ANXA10: variants seen among roughly 807,000 people sequenced by gnomAD.
The protein encoded by ANXA10 is annexin A10.
In ANXA10, 49 loss-of-function variants were observed where a neutral mutation model predicts 53.5. The ratio of observed to expected loss-of-function variants is 0.92; its 90% CI spans 0.73 to 1.16. The LOEUF is 1.16. Among genes scored for constraint, ANXA10 ranks in the 50% most tolerant of loss-of-function variants. ANXA10 has a pLI of 0.00. For missense variants in ANXA10, 393 were observed against 394.4 expected (o/e 1.00, Z 0.03); for synonymous variants, 131 against 128.9 (o/e 1.02, Z -0.11).
At chr4:168,184,506 C>A in intron 10 of ANXA10, 53 bp from the exon 11 acceptor site, 1 of 1,605,236 alleles carries the variant, frequency 6.2e-7, no homozygotes, top group Non-Finnish European at 8.5e-7. Flanking sequence ...TTGGGACAGA[C>A]TGACTTTTAG....
chr4:168,184,593 T>A lies in ANXA10; in HGVS notation c.818T>A (p.Ile273Asn). The change falls in exon 11 of 12, where the codon ATT (isoleucine) becomes AAT (asparagine). Residue 273 changes from isoleucine to asparagine, a missense_variant. Ile to Asn is a moderately radical substitution (Grantham distance 149). Transcript: ENST00000359299. The stretch of plus-strand genomic sequence containing the variant: ...TTCCATAATAAAACTGTAATCAGGA[T>A]TCTCATTGCCAGAAGTGAAATAGAC... ...FGFHNKTVIR[I>N]LIARSEIDLL... 1 of 1,614,060 alleles carries A rather than the reference T, an allele frequency of 6.2e-7. No individual in the cohort carries two copies. The highest frequency in any genetic ancestry group is 8.5e-7 in the Non-Finnish European group (1 of 1,179,916).
intron 2 of ANXA10, among the ~76,000 whole-genome samples, chr4:168,129,131 A>T (rs527961323): frequency 1.3e-5 from 2 of 152,248 alleles, no homozygotes; most frequent in East Asian, 3.9e-4. Flanking sequence ...CTTAACTTTA[A>T]AGACAAGGTC....
intron 3 of ANXA10, among the ~76,000 whole-genome samples, chr4:168,144,251 C>T (rs1414949605): frequency 6.6e-6 from 1 of 152,058 alleles, no homozygotes; most frequent in Non-Finnish European, 1.5e-5. Flanking sequence ...CACTGCCGCG[C>T]TCTCAGCTCA....
At chr4:168,115,685 C>CACAAATT (rs1730882631) in intron 1 of ANXA10, among the ~76,000 whole-genome samples, 1 of 152,048 alleles carries the variant, frequency 6.6e-6, no homozygotes, top group Non-Finnish European at 1.5e-5. Flanking sequence ...TTTTATTTTA[C>CACAAATT]ACAAATTACA....
Position 168,177,983 on chromosome 4 carries a change from G to C in ANXA10, c.628G>C (p.Val210Leu), listed in dbSNP as rs1017547334. The change falls in exon 8 of 12, where the codon GTT (valine) becomes CTT (leucine). Residue 210 changes from valine to leucine, a missense_variant and splice_region_variant. Transcript: ENST00000359299. ...CAAGAGCTACCAGCAGCTGCGGCTG[G>C]GTAATTATTAACTGGGTTTCGTTCC... The part of the protein sequence containing the change: ...CNKSYQQLRL[V>L]FQEFQNISGQ... 1 of 1,612,936 alleles carries C rather than the reference G, an allele frequency of 6.2e-7. No individual in the cohort carries two copies. Among genetic ancestry groups the C allele is most frequent in the South Asian group, 1.1e-5 (1 of 90,990 alleles).
chr4:168,104,334 T>C (rs986912146), intron 1 of ANXA10, among the ~76,000 whole-genome samples: 3 of 151,900 alleles, frequency 2.0e-5, no homozygotes, highest in Non-Finnish European at 4.4e-5. Flanking sequence ...TTTATGTTCA[T>C]AAGGGTTACT....
intron 1 of ANXA10, among the ~76,000 whole-genome samples, chr4:168,111,935 C>T (rs1018537873): frequency 6.6e-6 from 1 of 152,162 alleles, no homozygotes; most frequent in African/African-American, 2.4e-5. Flanking sequence ...TGCTCCTTGA[C>T]ATTTATCTTC....
intron 4 of ANXA10, 26 bp from the exon 5 acceptor site, chr4:168,164,172 A>AT (rs1322693193): frequency 1.3e-5 from 19 of 1,504,400 alleles, no homozygotes; most frequent in Non-Finnish European, 1.7e-5. Flanking sequence ...ATATCCTTAC[A>AT]TTTATCTCTT....
chr4:168,155,687 A>ATATATAATATATTATAAATATATAATAT (rs1731612849), intron 3 of ANXA10, among the ~76,000 whole-genome samples: 2 of 44,164 alleles, frequency 4.5e-5, no homozygotes, highest in African/African-American at 1.1e-4. Flanking sequence ...ATATTATAAA[A>ATATATAATATATTATAAATATATAATAT]TATATAATAT....
At chr4:168,161,767 G>T (rs1560786568) in intron 3 of ANXA10, among the ~76,000 whole-genome samples, 1 of 152,202 alleles carries the variant, frequency 6.6e-6, no homozygotes, top group East Asian at 1.9e-4. Flanking sequence ...TCTCCTTGAA[G>T]AGGTCCTTCA....
chr4:168,124,151 T>C (rs975860908), intron 1 of ANXA10, among the ~76,000 whole-genome samples: 13 of 152,270 alleles, frequency 8.5e-5, no homozygotes, highest in African/African-American at 3.1e-4. Flanking sequence ...CAGGATAAAA[T>C]AGAGGGCACC....
In ANXA10 at chr4:168,170,098, G is replaced by A. The variant is rs187443209; in HGVS notation, c.480+4772G>A. 5.5e-3 allele frequency among the ~76,000 whole-genome samples: 836 copies of A among 152,168 alleles called. 5 individuals are homozygous for A. The highest frequency in any genetic ancestry group is 9.3e-3 in the Non-Finnish European group (632 of 68,000). On this transcript the variant is annotated intron_variant, in intron 6 of 11. Transcript: ENST00000359299. ...ACAATGATGCTTTATTAATGATAGG[G>A]TGTGTACATGAGTACGAGTATTTGT...
At chr4:168,123,291 A>AG (rs1553997579) in intron 1 of ANXA10, among the ~76,000 whole-genome samples, 2 of 151,368 alleles carry the variant, frequency 1.3e-5, no homozygotes, top group African/African-American at 4.9e-5. Flanking sequence ...AACAAAAAAA[A>AG]CCCAGACTTT....
intron 11 of ANXA10, 37 bp downstream of exon 11, chr4:168,184,718 T>A (rs1174290153): frequency 6.2e-7 from 1 of 1,603,568 alleles, no homozygotes. Flanking sequence ...GGACCCACAT[T>A]TTCTCCTTTT....
At chr4:168,098,603 AT>A (rs754738323) in intron 1 of ANXA10, among the ~76,000 whole-genome samples, 2 of 152,236 alleles carry the variant, frequency 1.3e-5, no homozygotes. Flanking sequence ...GTCTCCAGCT[AT>A]TTGTAATACT....
intron 5 of ANXA10, among the ~76,000 whole-genome samples, chr4:168,164,744 A>G (rs866426531): frequency 6.6e-6 from 1 of 152,236 alleles, no homozygotes; most frequent in South Asian, 2.1e-4. Context: ...TAGAAAGGGT[A>G]ACTATTTTCA....
intron 1 of ANXA10, among the ~76,000 whole-genome samples, chr4:168,100,786 A>T (rs932113074): frequency 6.6e-6 from 1 of 152,138 alleles, no homozygotes; most frequent in Non-Finnish European, 1.5e-5. Context: ...TTTTGGGAAC[A>T]TTTCAGATTT....
intron 3 of ANXA10, among the ~76,000 whole-genome samples, chr4:168,145,819 G>A (rs1347696230): frequency 6.6e-6 from 1 of 152,172 alleles, no homozygotes; most frequent in Non-Finnish European, 1.5e-5. Context: ...AGGTCAAGAA[G>A]ATAGAGTCAG....
intron 1 of ANXA10, among the ~76,000 whole-genome samples, chr4:168,115,432 G>A (rs1477785794): frequency 6.6e-6 from 1 of 150,642 alleles, no homozygotes; most frequent in African/African-American, 2.4e-5. Flanking sequence ...CAGCAACCCA[G>A]ACAATGGGAA....
Sources: allele counts gnomAD v4.1 joint callset (sites outside exome capture counted in the v4.1 genomes callset), GRCh38; gene constraint gnomAD v4.1.1; transcripts MANE v1.5; gene names NCBI Gene and HGNC (gene_info 2026-07-23, HGNC 2026-07-21).